Variants in ATF7 observed in about 807,000 individuals in gnomAD.
ATF7 encodes cyclic AMP-dependent transcription factor ATF-7.
Under a neutral mutation model 50.4 loss-of-function variants are expected in ATF7, and 10 were observed. The observed-to-expected ratio is 0.20, with a 90% confidence interval of 0.12 to 0.34. The LOEUF is 0.34. Among genes scored for constraint, ATF7 ranks in the 10% least tolerant of loss-of-function variants. ATF7 has a pLI of 1.00. For synonymous variants in ATF7, 201 were observed against 226.4 expected (o/e 0.89, Z 1.01); for missense variants, 465 against 613.9 (o/e 0.76, Z 2.56).
intron 2 of ATF7, among the ~76,000 whole-genome samples, chr12:53,594,694 C>A (rs559382020): frequency 1.1e-4 from 16 of 152,214 alleles, no homozygotes; most frequent in Non-Finnish European, 1.5e-4. Flanking sequence ...TCAAGACCAG[C>A]CTGGCCAACA....
chr12:53,605,451 G>C (rs1348510463), intron 1 of ATF7, among the ~76,000 whole-genome samples: 1 of 150,010 alleles, frequency 6.7e-6, no homozygotes, highest in African/African-American at 2.5e-5. Flanking sequence ...ACCGTAATTT[G>C]CTTTTTGGAT....
At chr12:53,549,113 C>T (rs1399136945) in intron 3 of ATF7, among the ~76,000 whole-genome samples, 3 of 151,926 alleles carry the variant, frequency 2.0e-5, no homozygotes, top group Non-Finnish European at 2.9e-5. Flanking sequence ...GGTGAAACCC[C>T]GTCTCTACTA....
intron 4 of ATF7, among the ~76,000 whole-genome samples, chr12:53,539,127 A>T (rs1355929397): frequency 6.6e-6 from 1 of 152,232 alleles, no homozygotes; most frequent in East Asian, 1.9e-4. Context: ...ACTCCTGTAC[A>T]GGCAGGAGGA....
At chr12:53,620,748 C>CAA (rs1028111050) in intron 1 of ATF7, among the ~76,000 whole-genome samples, 1 of 111,970 alleles carries the variant, frequency 8.9e-6, no homozygotes. Context: ...GACTTCGTCT[C>CAA]AAAAAAAAAA....
intron 2 of ATF7, among the ~76,000 whole-genome samples, chr12:53,583,542 TC>T (rs1445197853): frequency 2.0e-5 from 3 of 151,016 alleles, no homozygotes; most frequent in Non-Finnish European, 4.4e-5. Context: ...TTTGCTTGAA[TC>T]CCCCCCACCC....
intron 4 of ATF7, among the ~76,000 whole-genome samples, chr12:53,538,488 G>A (rs1292325826): frequency 6.6e-6 from 1 of 152,176 alleles, no homozygotes; most frequent in Non-Finnish European, 1.5e-5. Flanking sequence ...GGTCTTAGGA[G>A]CAAGACTGGA....
intron 5 of ATF7, among the ~76,000 whole-genome samples, chr12:53,535,259 G>A (rs1048200136): frequency 6.0e-5 from 9 of 150,820 alleles, no homozygotes; most frequent in African/African-American, 1.7e-4. Flanking sequence ...GGAGAGAGGC[G>A]GAGGAGGTTG....
chr12:53,520,440 T>C (rs1229539821), intron 11 of ATF7, among the ~76,000 whole-genome samples: 1 of 152,078 alleles, frequency 6.6e-6, no homozygotes, highest in Non-Finnish European at 1.5e-5. Flanking sequence ...TAGCTGGGCA[T>C]GGTGGTGCAC....
intron 2 of ATF7, among the ~76,000 whole-genome samples, chr12:53,581,171 C>G (rs1300793956): frequency 6.6e-6 from 1 of 151,580 alleles, no homozygotes; most frequent in East Asian, 1.9e-4. Context: ...TAGCTAACAA[C>G]AGAGCATCAA....
chr12:53,587,362 G>A (rs759348646), intron 2 of ATF7, among the ~76,000 whole-genome samples: 1 of 38,484 alleles, frequency 2.6e-5, no homozygotes, highest in African/African-American at 8.2e-5. Context: ...GCGAAATTCC[G>A]CATCAAAAAA....
intron 2 of ATF7, among the ~76,000 whole-genome samples, chr12:53,564,690 A>G (rs1030881579): frequency 1.3e-5 from 2 of 152,228 alleles, no homozygotes; most frequent in African/African-American, 4.8e-5. Context: ...ACAGAAAAAG[A>G]ATTTTAAACC....
At position 53,543,367 on chromosome 12, in the gene ATF7, T is replaced by C. The variant is rs775488861; in HGVS notation, c.227A>G (p.His76Arg). 2.5e-6 allele frequency: 4 copies of C among 1,598,444 alleles called. No individual in the cohort carries two copies. Among genetic ancestry groups the C allele is most frequent in the East Asian group, 2.2e-5 (1 of 44,688 alleles). ...CTCATCTGCAGCTTTCTTGAATTCA[T>C]GTTCAAAGGAGCTAGCTAGTTCATT... ...LFNELASSFE[H>R]EFKKAADEDE... The change falls in exon 4 of 12, where the codon CAT becomes CGT. Residue 76 changes from histidine to arginine, a missense_variant. Physicochemically the swap from His to Arg is conservative, Grantham distance 29 (BLOSUM62 0). Transcript: ENST00000420353.
intron 1 of ATF7, among the ~76,000 whole-genome samples, chr12:53,613,809 G>C (rs963606576): frequency 2.9e-5 from 4 of 138,176 alleles, no homozygotes; most frequent in Non-Finnish European, 6.0e-5. Flanking sequence ...TTACAGGTGT[G>C]AGCCACTAGG....
chr12:53,571,682 A>G (rs953681384), intron 2 of ATF7, among the ~76,000 whole-genome samples: 3 of 151,822 alleles, frequency 2.0e-5, no homozygotes, highest in Non-Finnish European at 4.4e-5. Context: ...CCGCACTGAA[A>G]TATCACCACC....
intron 9 of ATF7, among the ~76,000 whole-genome samples, chr12:53,530,627 A>G (rs1290676194): frequency 6.6e-6 from 1 of 151,512 alleles, no homozygotes; most frequent in African/African-American, 2.4e-5. Flanking sequence ...GTTTCTTTTG[A>G]GACAAAGTCT....
At chr12:53,620,152 A>C (rs1944315904) in intron 1 of ATF7, among the ~76,000 whole-genome samples, 1 of 151,992 alleles carries the variant, frequency 6.6e-6, no homozygotes, top group South Asian at 2.1e-4. Flanking sequence ...TCAAAAAAAA[A>C]CCATGGCCGA....
At chr12:53,587,820 C>CATATATATATATATATATATATATAT (rs1242121330) in intron 2 of ATF7, among the ~76,000 whole-genome samples, 28 of 67,016 alleles carry the variant, frequency 4.2e-4, no homozygotes, top group Admixed American at 7.6e-4. Flanking sequence ...TATACTTCTA[C>CATATATATATATATATATATATATAT]ATATATATAT....
intron 2 of ATF7, among the ~76,000 whole-genome samples, chr12:53,599,577 T>C (rs889436345): frequency 1.3e-5 from 2 of 152,084 alleles, no homozygotes; most frequent in African/African-American, 4.8e-5. Context: ...CTGCAGAATA[T>C]GATGCCTTTT....
At chr12:53,567,936 G>C (rs1941533358) in intron 2 of ATF7, among the ~76,000 whole-genome samples, 1 of 152,138 alleles carries the variant, frequency 6.6e-6, no homozygotes, top group African/African-American at 2.4e-5. Flanking sequence ...AGGATGTTAT[G>C]AGGTACAAAA....
Sources: gnomAD v4.1 joint callset for allele counts (sites outside exome capture counted in the v4.1 genomes callset) on GRCh38, gnomAD v4.1.1 for gene constraint, MANE v1.5 for transcripts, NCBI Gene and HGNC (gene_info 2026-07-23, HGNC 2026-07-21) for gene names.